SUCLG2: variants seen among roughly 807,000 people sequenced by gnomAD.
The protein encoded by SUCLG2 is succinate-CoA ligase GDP-forming subunit beta, also known as succinate--CoA ligase [GDP-forming] subunit beta, mitochondrial.
SUCLG2 carries 42 observed loss-of-function variants against 47.9 expected under a neutral mutation model. The observed-to-expected ratio is 0.88, with a 90% CI of 0.69 to 1.14. The LOEUF is 1.14. Among genes scored for constraint, SUCLG2 ranks in the 50% most tolerant of loss-of-function variants. SUCLG2 has a pLI of 0.00. For synonymous variants in SUCLG2, 195 were observed against 197.3 expected, an observed-to-expected ratio of 0.99 and a Z score of 0.10; for missense variants, 571 against 525.9, an observed-to-expected ratio of 1.09 and a Z score of -0.84.
At chr3:67,534,743 G>C (rs1206276981) in intron 2 of SUCLG2, among the ~76,000 whole-genome samples, 3 of 100,794 alleles carry the variant, frequency 3.0e-5, no homozygotes, top group Non-Finnish European at 5.5e-5. Flanking sequence ...AAAAGCCTTA[G>C]GACAGAACTC....
chr3:67,381,082 T>C (rs1422229622), intron 10 of SUCLG2, among the ~76,000 whole-genome samples: 1 of 151,922 alleles, frequency 6.6e-6, no homozygotes, highest in African/African-American at 2.4e-5. Context: ...GAGGCTGAGG[T>C]CAGAGGACCG....
chr3:67,548,943 A>G (rs1313001168), intron 2 of SUCLG2, among the ~76,000 whole-genome samples: 1 of 152,112 alleles, frequency 6.6e-6, no homozygotes, highest in African/African-American at 2.4e-5. Flanking sequence ...TGCTTGAAAC[A>G]CTCCTAAATC....
intron 4 of SUCLG2, among the ~76,000 whole-genome samples, chr3:67,525,410 T>G (rs1706229540): frequency 6.6e-6 from 1 of 152,216 alleles, no homozygotes; most frequent in African/African-American, 2.4e-5. Flanking sequence ...TCTGTGATAT[T>G]GGTGGCGGGA....
chr3:67,473,555 A>C (rs1704657484), intron 9 of SUCLG2, among the ~76,000 whole-genome samples: 1 of 152,194 alleles, frequency 6.6e-6, no homozygotes, highest in Non-Finnish European at 1.5e-5. Context: ...CCTCCCAGGC[A>C]ATCATTAAGA....
intron 9 of SUCLG2, among the ~76,000 whole-genome samples, chr3:67,442,989 A>C (rs535645048): frequency 6.6e-6 from 1 of 152,262 alleles, no homozygotes; most frequent in South Asian, 2.1e-4. Context: ...ACGGTATAAA[A>C]ATATTCAGAA....
At chr3:67,464,977 T>A (rs1057304904) in intron 9 of SUCLG2, among the ~76,000 whole-genome samples, 1 of 152,026 alleles carries the variant, frequency 6.6e-6, no homozygotes, top group Non-Finnish European at 1.5e-5. Context: ...GGCTTGACAA[T>A]CGATTGCCTG....
At chr3:67,623,394 A>G (rs2107338460) in intron 1 of SUCLG2, among the ~76,000 whole-genome samples, 2 of 152,224 alleles carry the variant, frequency 1.3e-5, no homozygotes, top group East Asian at 3.9e-4. Flanking sequence ...CCAGCTACTC[A>G]GGAGGCTGAG....
In SUCLG2 at chr3:67,529,118, C is replaced by A. The variant is rs200916187; in HGVS notation, c.295G>T (p.Gly99Cys). The change falls in exon 3 of 11, where the codon GGT becomes TGT. Residue 99 changes from glycine to cysteine, a missense_variant. By Grantham distance (159) the Gly-to-Cys change is radical. Coordinates refer to ENST00000307227, the MANE Select transcript of SUCLG2 (RefSeq NM_003848.4). ...GTTAAATGAACACCTCCTTTCAAAC[C>A]ACTATTGAAGACACCTTTTCCTCTT... The part of the protein sequence containing the change: ...GGRGKGVFNS[G>C]LKGGVHLTKD... The A allele has an allele frequency of 2.6e-4, 417 of 1,612,912 alleles. No individual in the cohort carries two copies. Among genetic ancestry groups the A allele is most frequent in the Non-Finnish European group, 3.4e-4 (396 of 1,179,738 alleles).
chr3:67,541,891 G>T (rs955507302), intron 2 of SUCLG2, among the ~76,000 whole-genome samples: 6 of 150,298 alleles, frequency 4.0e-5, no homozygotes, highest in Non-Finnish European at 5.9e-5. Context: ...TTTTTGAGAC[G>T]GAGTTTTGCT....
intron 2 of SUCLG2, among the ~76,000 whole-genome samples, chr3:67,606,541 G>C (rs903713314): frequency 1.3e-5 from 2 of 152,040 alleles, no homozygotes; most frequent in Admixed American, 6.6e-5. Context: ...AACCACAAGA[G>C]TATAAAACAA....
intron 10 of SUCLG2, among the ~76,000 whole-genome samples, chr3:67,395,685 C>T (rs1241085834): frequency 1.3e-5 from 2 of 152,278 alleles, no homozygotes; most frequent in South Asian, 2.1e-4. Flanking sequence ...TAGACATCTA[C>T]AGAACTCTCC....
chr3:67,434,932 T>G (rs1703579604), intron 9 of SUCLG2, among the ~76,000 whole-genome samples: 1 of 152,220 alleles, frequency 6.6e-6, no homozygotes, highest in Admixed American at 6.5e-5. Context: ...CAACTGTTGT[T>G]AGGTAAGTTC....
At chr3:67,377,819 AT>A (rs1326454744) in intron 10 of SUCLG2, among the ~76,000 whole-genome samples, 1 of 151,946 alleles carries the variant, frequency 6.6e-6, no homozygotes, top group Non-Finnish European at 1.5e-5. Context: ...ACGCCCAGCT[AT>A]TTTTTGTATT....
At chr3:67,495,059 C>T (rs1705295992) in intron 9 of SUCLG2, among the ~76,000 whole-genome samples, 1 of 152,066 alleles carries the variant, frequency 6.6e-6, no homozygotes. Flanking sequence ...GAAGGTGGGG[C>T]CATTATTTCC....
At chr3:67,549,050 T>C (rs531547840) in intron 2 of SUCLG2, among the ~76,000 whole-genome samples, 2 of 152,342 alleles carry the variant, frequency 1.3e-5, no homozygotes, top group Non-Finnish European at 1.5e-5. Flanking sequence ...CAATTCATTA[T>C]TTATATATAA....
intron 2 of SUCLG2, among the ~76,000 whole-genome samples, chr3:67,531,527 C>T (rs959772649): frequency 2.0e-4 from 30 of 152,274 alleles, no homozygotes; most frequent in Admixed American, 1.4e-3. Context: ...TTAAACGTGT[C>T]GCCATTTGAC....
Position 67,400,713 on chromosome 3 carries a change from A to C in SUCLG2, c.1183+18T>G. 1 of 1,609,050 alleles carries C rather than the reference A, an allele frequency of 6.2e-7. No homozygotes were observed. The highest frequency in any genetic ancestry group is 2.2e-5 in the East Asian group (1 of 44,816). On this transcript the variant is annotated intron_variant, in intron 10 of 10. Coordinates refer to ENST00000307227, the MANE Select transcript of SUCLG2 (RefSeq NM_003848.4). The stretch of plus-strand genomic sequence containing the variant: ...TGGAGAAGGGGTGCTGGCACAGCGG[A>C]AATCTACCATGACTCACCTTCAAGC...
rs752873449 is a variant in SUCLG2, at chr3:67,400,765, T to C, written c.1149A>G (p.Leu383=). The C allele has an allele frequency of 5.0e-6, 8 of 1,611,942 alleles. No homozygotes were observed. The highest frequency in any genetic ancestry group is 6.8e-6 in the Non-Finnish European group (8 of 1,179,918). ...GGACCACCAGGGGCACCTTGAGTTCTAGCTCCCGGCAGGCTTTGGTGATCC... is the reference window on the plus strand; with the variant it reads ...GGACCACCAGGGGCACCTTGAGTTCCAGCTCCCGGCAGGCTTTGGTGATCC... The part of the protein sequence containing the change: ...ANGITKACRE[L]ELKVPLVVRL... Residue 383 remains leucine (L), a synonymous_variant, in exon 10 of 11, where the codon CTA becomes CTG. Transcript: ENST00000307227.
intron 9 of SUCLG2, among the ~76,000 whole-genome samples, chr3:67,450,541 T>A (rs1033165166): frequency 6.6e-6 from 1 of 152,200 alleles, no homozygotes; most frequent in African/African-American, 2.4e-5. Context: ...ACAGAGAAGT[T>A]GAAAAAAATT....
Sources: gnomAD v4.1 joint callset for allele counts (sites outside exome capture counted in the v4.1 genomes callset) on GRCh38, gnomAD v4.1.1 for gene constraint, MANE v1.5 for transcripts, NCBI Gene and HGNC (gene_info 2026-07-23, HGNC 2026-07-21) for gene names.